The following IGF2BP3 variants were observed in gnomAD, a reference collection of about 807,000 sequenced individuals.
The protein encoded by IGF2BP3 is insulin like growth factor 2 mRNA binding protein 3.
Under a neutral mutation model 73.8 loss-of-function variants are expected in IGF2BP3, and 9 were observed. The ratio of observed to expected loss-of-function variants is 0.12; its 90% CI spans 0.07 to 0.21. IGF2BP3 has a LOEUF of 0.21. IGF2BP3 is among the 10% of genes least tolerant of loss of function. The probability of loss-of-function intolerance (pLI) is 1.00; values close to 1 mark genes in which losing one functional copy is unlikely to be tolerated. For missense variants in IGF2BP3, 542 were observed against 714.0 expected (o/e 0.76, Z 2.75); for synonymous variants, 258 against 256.7 (o/e 1.01, Z -0.05).
chr7:23,312,670 A>AG, intron 14 of IGF2BP3, 65 bp downstream of exon 14: 1 of 1,136,912 alleles, frequency 8.8e-7, no homozygotes, highest in Non-Finnish European at 1.3e-6. Flanking sequence ...ATCAGGTAGG[A>AG]GCACCTGTGG....
intron 2 of IGF2BP3, among the ~76,000 whole-genome samples, chr7:23,424,986 T>C (rs916755813): frequency 6.6e-6 from 1 of 152,196 alleles, no homozygotes; most frequent in Non-Finnish European, 1.5e-5. Context: ...TTACGTAGCA[T>C]GCCATGCTGA....
intron 2 of IGF2BP3, among the ~76,000 whole-genome samples, chr7:23,446,760 G>GAAAA (rs1205673237): frequency 6.6e-6 from 1 of 152,068 alleles, no homozygotes; most frequent in African/African-American, 2.4e-5. Context: ...AGAAAAAATA[G>GAAAA]TAACTTTACC....
At chr7:23,356,163 T>C (rs1785091220) in intron 5 of IGF2BP3, among the ~76,000 whole-genome samples, 1 of 152,174 alleles carries the variant, frequency 6.6e-6, no homozygotes, top group South Asian at 2.1e-4. Flanking sequence ...AGCTTGAACA[T>C]TAAATAACCA....
intron 2 of IGF2BP3, among the ~76,000 whole-genome samples, chr7:23,452,619 T>C (rs1218220846): frequency 1.3e-5 from 2 of 151,770 alleles, no homozygotes; most frequent in Admixed American, 1.3e-4. Flanking sequence ...CTGGCCAACA[T>C]GGTGAAACCC....
intron 6 of IGF2BP3, among the ~76,000 whole-genome samples, chr7:23,350,180 T>G (rs1784924519): frequency 6.6e-6 from 1 of 152,220 alleles, no homozygotes; most frequent in Non-Finnish European, 1.5e-5. Context: ...GTGCCTATGA[T>G]GAACATGCAT....
chr7:23,432,865 C>G (rs78074552), intron 2 of IGF2BP3, among the ~76,000 whole-genome samples: 5,048 of 152,254 alleles, frequency 0.033, 300 homozygotes, highest in African/African-American at 0.11. Context: ...GTCCTGGGCT[C>G]AAGCAATCCA....
intron 2 of IGF2BP3, among the ~76,000 whole-genome samples, chr7:23,440,280 AAAAAAAT>A (rs1419760157): frequency 6.8e-6 from 1 of 146,936 alleles, no homozygotes; most frequent in Non-Finnish European, 1.5e-5. Context: ...AAAAAAAAAA[AAAAAAAT>A]TAGCTGGGCA....
At chr7:23,407,967 G>A (rs13223902) in intron 3 of IGF2BP3, among the ~76,000 whole-genome samples, 2 of 132,452 alleles carry the variant, frequency 1.5e-5, no homozygotes, top group Admixed American at 7.6e-5. Flanking sequence ...GGGCGGGGGG[G>A]GGGGGAGTCA....
At chr7:23,434,687 C>G (rs889029472) in intron 2 of IGF2BP3, among the ~76,000 whole-genome samples, 1 of 152,126 alleles carries the variant, frequency 6.6e-6, no homozygotes, top group Non-Finnish European at 1.5e-5. Flanking sequence ...GTAGATAACC[C>G]TTCTCCTAGC....
chr7:23,409,907 G>T (rs904355271), intron 3 of IGF2BP3, among the ~76,000 whole-genome samples: 1 of 152,184 alleles, frequency 6.6e-6, no homozygotes, highest in Non-Finnish European at 1.5e-5. Flanking sequence ...GATGGCTCAA[G>T]CCTCTAATCC....
chr7:23,447,669 C>T (rs1042346764), intron 2 of IGF2BP3, among the ~76,000 whole-genome samples: 1 of 151,700 alleles, frequency 6.6e-6, no homozygotes, highest in Non-Finnish European at 1.5e-5. Context: ...AGGAACTGTC[C>T]CAGATTAAAA....
intron 3 of IGF2BP3, among the ~76,000 whole-genome samples, chr7:23,374,933 G>T (rs1286012851): frequency 6.6e-6 from 1 of 152,076 alleles, no homozygotes; most frequent in Non-Finnish European, 1.5e-5. Flanking sequence ...CTTCTGCCAA[G>T]GCTTCAGCCG....
chr7:23,416,554 T>A (rs149289188), intron 3 of IGF2BP3, among the ~76,000 whole-genome samples: 1 of 152,364 alleles, frequency 6.6e-6, no homozygotes, highest in East Asian at 1.9e-4. Flanking sequence ...GAGATAAGAC[T>A]ATTTCCTCTG....
At chr7:23,384,592 T>C (rs1445732401) in intron 3 of IGF2BP3, among the ~76,000 whole-genome samples, 3 of 151,652 alleles carry the variant, frequency 2.0e-5, no homozygotes, top group Admixed American at 1.3e-4. Flanking sequence ...TGGATCTTTA[T>C]AAAACAACCT....
At chr7:23,338,740 T>C (rs572140572) in intron 10 of IGF2BP3, among the ~76,000 whole-genome samples, 1 of 152,362 alleles carries the variant, frequency 6.6e-6, no homozygotes, top group Admixed American at 6.5e-5. Flanking sequence ...TTGTCTGGGA[T>C]AATTATAATT....
At chr7:23,393,195 T>C (rs1786339774) in intron 3 of IGF2BP3, among the ~76,000 whole-genome samples, 1 of 152,160 alleles carries the variant, frequency 6.6e-6, no homozygotes, top group Non-Finnish European at 1.5e-5. Context: ...AACTGTGCTA[T>C]CACCTCACCA....
At chr7:23,398,344 G>T (rs1031407805) in intron 3 of IGF2BP3, among the ~76,000 whole-genome samples, 1 of 152,146 alleles carries the variant, frequency 6.6e-6, no homozygotes, top group Non-Finnish European at 1.5e-5. Context: ...CCAAGTCTTT[G>T]CTACTGTTAA....
In IGF2BP3 at chr7:23,310,251, T is replaced by C. The variant is rs1344828988; in HGVS notation, c.*2111A>G. Reference sequence around the variant, plus strand: ...AAAATTTATTCTGCGTCAAGGTATCTGGAAAATGAAGCTGCATTTGGGGCA... The same window carrying C: ...AAAATTTATTCTGCGTCAAGGTATCCGGAAAATGAAGCTGCATTTGGGGCA... On this transcript the variant is annotated 3_prime_UTR_variant, in exon 15 of 15. Transcript: ENST00000258729. 2 of 152,198 alleles carry C rather than the reference T, an allele frequency of 1.3e-5. No individual in the cohort carries two copies. Among genetic ancestry groups the C allele is most frequent in the Non-Finnish European group, 2.9e-5 (2 of 68,032 alleles). 9.4% of individuals were successfully genotyped at this position (152,198 alleles called of 1,614,324 possible).
intron 2 of IGF2BP3, among the ~76,000 whole-genome samples, chr7:23,462,402 C>T (rs1445491466): frequency 6.6e-6 from 1 of 151,390 alleles, no homozygotes; most frequent in African/African-American, 2.4e-5. Context: ...TGCTCTGTCA[C>T]CCAGGCTGGA....
Sources: allele counts gnomAD v4.1 joint callset (sites outside exome capture counted in the v4.1 genomes callset), GRCh38; gene constraint gnomAD v4.1.1; transcripts MANE v1.5; gene names NCBI Gene and HGNC (gene_info 2026-07-23, HGNC 2026-07-21).